Variants in GTF2A1 observed in about 807,000 individuals in gnomAD.
GTF2A1 encodes the protein general transcription factor IIA subunit 1, also known as transcription initiation factor IIA subunit 1.
Under a neutral mutation model 54.1 loss-of-function variants are expected in GTF2A1, and 12 were observed. That is an observed-to-expected ratio of 0.22 (90% CI 0.14 to 0.36). The LOEUF is 0.36. Ranked by LOEUF, GTF2A1 falls within the 10% of genes least tolerant of loss-of-function variation. GTF2A1 has a pLI of 1.00. For synonymous variants in GTF2A1, 145 were observed against 152.0 expected (o/e 0.95, Z 0.34); for missense variants, 335 against 442.2 (o/e 0.76, Z 2.17).
At chr14:81,189,400 GGT>G (rs1471656806) in intron 7 of GTF2A1, among the ~76,000 whole-genome samples, 1 of 152,154 alleles carries the variant, frequency 6.6e-6, no homozygotes, top group Non-Finnish European at 1.5e-5. Flanking sequence ...GGCCAGGCGC[GGT>G]GGCTCATGCC....
chr14:81,201,693 C>A, intron 3 of GTF2A1, 35 bp from the exon 4 acceptor site: 8 of 1,429,814 alleles, frequency 5.6e-6, no homozygotes, highest in Non-Finnish European at 7.9e-6. Flanking sequence ...AAACAAGGAA[C>A]CATGAGGCTA....
chr14:81,207,135 C>A (rs1283337405), intron 2 of GTF2A1, among the ~76,000 whole-genome samples: 2 of 125,010 alleles, frequency 1.6e-5, no homozygotes, highest in African/African-American at 5.8e-5. Context: ...ATCTACCTAC[C>A]TACGTACCTA....
chr14:81,210,876 T>G (rs1893349787), intron 2 of GTF2A1, among the ~76,000 whole-genome samples: 1 of 152,122 alleles, frequency 6.6e-6, no homozygotes, highest in Non-Finnish European at 1.5e-5. Context: ...GCCACTAACA[T>G]AGTATTGAAA....
chr14:81,211,723 A>G (rs1029575741), intron 2 of GTF2A1, among the ~76,000 whole-genome samples: 57 of 152,042 alleles, frequency 3.7e-4, no homozygotes, highest in Admixed American at 3.4e-3. Flanking sequence ...CAAAACATCT[A>G]GCTCCTGGAT....
At position 81,175,755 on chromosome 14, in the gene GTF2A1, A is replaced by G. The variant is rs944587184; in HGVS notation, c.*4468T>C. ...GAGAAATAACAATGTTTTTATCCTA[A>G]GTAATCTATACTTTGGAGTAGAAAT... On this transcript the variant is annotated 3_prime_UTR_variant, in exon 9 of 9. Coordinates refer to ENST00000553612, the MANE Select transcript of GTF2A1 (RefSeq NM_015859.4). The G allele has an allele frequency of 6.6e-6, 1 of 152,200 alleles. No individual in the cohort carries two copies. The highest frequency in any genetic ancestry group is 2.4e-5 in the African/African-American group (1 of 41,446). The allele number at this position is 152,200 out of a possible 1,614,324, so 9.4% of individuals were successfully genotyped here. A position where few individuals can be genotyped will look rare whatever the true frequency, so the allele number is the denominator to read the frequency against.
rs138383588 is a variant in GTF2A1, at chr14:81,202,640, C to T, written c.338-982G>A. 308 of 513,188 alleles carry T rather than the reference C, an allele frequency of 6.0e-4. 3 individuals are homozygous for T. Among genetic ancestry groups the T allele is most frequent in the African/African-American group, 4.7e-3 (241 of 51,440 alleles). 31.8% of individuals were successfully genotyped at this position (513,188 alleles called of 1,614,324 possible). A position where few individuals can be genotyped will look rare whatever the true frequency, so the allele number is the denominator to read the frequency against. On this transcript the variant is annotated intron_variant, in intron 3 of 8. Coordinates refer to ENST00000553612, the MANE Select transcript of GTF2A1 (RefSeq NM_015859.4). ...TGAAGAGTGGTAAACCGGCAAAAGT[C>T]GGAAAAAATACAAATCAGAAATAAT...
chr14:81,181,544 C>A (rs767212098), intron 8 of GTF2A1, among the ~76,000 whole-genome samples: 1 of 152,002 alleles, frequency 6.6e-6, no homozygotes, highest in Admixed American at 6.6e-5. Flanking sequence ...TAGATATTTT[C>A]TTTTTCTTTT....
chr14:81,214,991 AAT>A (rs1893456217), intron 2 of GTF2A1, among the ~76,000 whole-genome samples: 2 of 152,218 alleles, frequency 1.3e-5, no homozygotes, highest in South Asian at 4.1e-4. Flanking sequence ...ACAGTTTCTT[AAT>A]AGTTAGTTAC....
chr14:81,217,817 T>C (rs533903870), intron 1 of GTF2A1, among the ~76,000 whole-genome samples: 3 of 152,140 alleles, frequency 2.0e-5, no homozygotes, highest in African/African-American at 7.2e-5. Flanking sequence ...ACAAATGAGT[T>C]TGTCAATACA....
intron 4 of GTF2A1, among the ~76,000 whole-genome samples, chr14:81,198,508 A>G (rs545840959): frequency 6.6e-6 from 1 of 152,340 alleles, no homozygotes; most frequent in East Asian, 1.9e-4. Context: ...GGATTATATT[A>G]TGAATTTCTT....
At chr14:81,205,329 A>T (rs1046942888) in intron 2 of GTF2A1, among the ~76,000 whole-genome samples, 3 of 152,152 alleles carry the variant, frequency 2.0e-5, no homozygotes, top group Non-Finnish European at 2.9e-5. Context: ...ATTTGTTGTC[A>T]TGATGCTAGT....
chr14:81,196,358 CAATTT>C (rs1595216732), intron 5 of GTF2A1, 117 bp from the exon 6 acceptor site: 2 of 1,052,698 alleles, frequency 1.9e-6, no homozygotes, highest in Non-Finnish European at 2.8e-6. Flanking sequence ...AGAAAACTAA[CAATTT>C]TATTAAAGGT....
intron 5 of GTF2A1, 179 bp downstream of exon 5, chr14:81,197,230 C>T: frequency 1.9e-6 from 1 of 515,684 alleles, no homozygotes. Context: ...TTACTGTATC[C>T]TCAACAACGA....
Position 81,192,803 on chromosome 14 carries a change from T to G in GTF2A1, c.649A>C (p.Thr217Pro). The G allele has an allele frequency of 6.2e-7, 1 of 1,613,328 alleles. No individual in the cohort carries two copies. The highest frequency in any genetic ancestry group is 1.3e-5 in the African/African-American group (1 of 75,042). ...APLPGGISPQ[T>P]GVIIQPQQIL... ...TGCTGAGGCTGGATGATGACACCTGTCTGTGGTGAAATCCCTCCAGGAAGA... is the reference window on the plus strand; with the variant it reads ...TGCTGAGGCTGGATGATGACACCTGGCTGTGGTGAAATCCCTCCAGGAAGA... Residue 217 changes from threonine (T) to proline (P), a missense_variant, in exon 7 of 9, where the codon ACA becomes CCA. Physicochemically the swap from Thr to Pro is conservative, Grantham distance 38 (BLOSUM62 -1). Coordinates refer to ENST00000553612, the MANE Select transcript of GTF2A1 (RefSeq NM_015859.4).
intron 1 of GTF2A1, among the ~76,000 whole-genome samples, chr14:81,218,011 T>C (rs922669818): frequency 2.6e-5 from 4 of 152,136 alleles, no homozygotes; most frequent in Non-Finnish European, 5.9e-5. Context: ...TCTAATTCTA[T>C]ATATAAGGAA....
chr14:81,200,184 T>C (rs539347370), intron 4 of GTF2A1, among the ~76,000 whole-genome samples: 45 of 152,280 alleles, frequency 3.0e-4, no homozygotes, highest in African/African-American at 1.1e-3. Context: ...CAGTATGAAT[T>C]TGTGAGGCTG....
chr14:81,184,675 G>A (rs1892705128), intron 8 of GTF2A1, among the ~76,000 whole-genome samples: 1 of 152,104 alleles, frequency 6.6e-6, no homozygotes, highest in Non-Finnish European at 1.5e-5. Context: ...GAAACTTCAT[G>A]CAAGGCATGA....
chr14:81,198,322 G>A (rs975145483), intron 4 of GTF2A1, among the ~76,000 whole-genome samples: 1 of 152,114 alleles, frequency 6.6e-6, no homozygotes, highest in Admixed American at 6.5e-5. Context: ...GTGCACACCT[G>A]TAGTCCCAGC....
intron 1 of GTF2A1, among the ~76,000 whole-genome samples, chr14:81,219,563 C>G (rs1448910743): frequency 6.6e-6 from 1 of 152,222 alleles, no homozygotes; most frequent in African/African-American, 2.4e-5. Flanking sequence ...AGACCCGAGT[C>G]GCCAACGGTA....
Sources: allele counts gnomAD v4.1 joint callset (sites outside exome capture counted in the v4.1 genomes callset), GRCh38; gene constraint gnomAD v4.1.1; transcripts MANE v1.5; gene names NCBI Gene and HGNC (gene_info 2026-07-23, HGNC 2026-07-21).